Variants in EAF2 observed in about 807,000 individuals in gnomAD.
EAF2 encodes the protein ELL-associated factor 2.
A neutral mutation model predicts 29.4 loss-of-function variants in EAF2; 29 were observed. That is an observed-to-expected ratio of 0.99 (90% CI 0.73 to 1.35). EAF2 has a LOEUF of 1.35. Among genes scored for constraint, EAF2 ranks in the 40% most tolerant of loss-of-function variants. The probability of loss-of-function intolerance (pLI) is 0.00; values close to 1 mark genes in which losing one functional copy is unlikely to be tolerated. For missense variants in EAF2, 292 were observed against 312.0 expected, an observed-to-expected ratio of 0.94 and a Z score of 0.48; for synonymous variants, 103 against 102.5, an observed-to-expected ratio of 1.00 and a Z score of -0.03.
At chr3:121,879,514 G>A (rs1015674681) in intron 5 of EAF2, among the ~76,000 whole-genome samples, 15 of 151,938 alleles carry the variant, frequency 9.9e-5, no homozygotes, top group African/African-American at 3.6e-4. Flanking sequence ...TAGTTTCACA[G>A]TTTCAGGTCT....
chr3:121,839,225 C>T (rs1160598488), intron 1 of EAF2, among the ~76,000 whole-genome samples: 2 of 152,154 alleles, frequency 1.3e-5, no homozygotes, highest in African/African-American at 2.4e-5. Context: ...AGATTTTCAG[C>T]TTATCTTTAA....
At chr3:121,885,042 A>G (rs1446170884) in intron 5 of EAF2, among the ~76,000 whole-genome samples, 3 of 152,172 alleles carry the variant, frequency 2.0e-5, no homozygotes, top group Non-Finnish European at 4.4e-5. Flanking sequence ...TGCCAGTACC[A>G]TATATATTTG....
intron 1 of EAF2, chr3:121,836,556 G>T (rs1708291793): frequency 2.4e-6 from 2 of 841,300 alleles, no homozygotes; most frequent in Non-Finnish European, 2.9e-6. Context: ...CATCCAATTG[G>T]TAGAATAAAT....
intron 5 of EAF2, among the ~76,000 whole-genome samples, chr3:121,880,636 G>A (rs753332581): frequency 4.6e-5 from 7 of 152,014 alleles, no homozygotes; most frequent in Admixed American, 1.3e-4. Context: ...GGAGCTTTTA[G>A]GGTTTTCTCT....
At chr3:121,858,576 G>A (rs919900563) in intron 4 of EAF2, among the ~76,000 whole-genome samples, 10 of 148,548 alleles carry the variant, frequency 6.7e-5, no homozygotes, top group African/African-American at 2.0e-4. Context: ...TTAGCCCTTT[G>A]TAAAATGGGT....
intron 2 of EAF2, among the ~76,000 whole-genome samples, chr3:121,851,090 C>A (rs1269367946): frequency 6.6e-6 from 1 of 152,178 alleles, no homozygotes; most frequent in African/African-American, 2.4e-5. Context: ...ATTTTCTCTT[C>A]ATTCCCCTAT....
rs543103127 is a variant in EAF2, at chr3:121,851,920, G to T, written c.202-2767G>T. Among the ~76,000 whole-genome samples, 4 of 152,292 alleles carry T rather than the reference G, an allele frequency of 2.6e-5. No homozygotes were observed. The East Asian group carries it at 5.8e-4, about 22-fold the overall frequency. ...TACTTTAGTAGTTGCCTTTCTTGGG[G>T]TATTGAATAAGGAATGGACAGAAAC... On this transcript the variant is annotated intron_variant, in intron 2 of 5. Coordinates refer to ENST00000273668, the MANE Select transcript of EAF2 (RefSeq NM_018456.6).
Position 121,857,036 on chromosome 3 carries a change from T to G in EAF2, c.364T>G (p.Tyr122Asp). Residue 122 changes from tyrosine to aspartate, a missense_variant, in exon 4 of 6, where the codon TAT (tyrosine) becomes GAT (aspartate). Physicochemically the swap from Tyr to Asp is radical, Grantham distance 160 (BLOSUM62 -3). Transcript: ENST00000273668. ...AGTTGAAGGAAGCAGTAAAATTCAG[T>G]ATCGTAAAGAACAACAGCAACAACA... Reference protein sequence around the residue: ...TRVEGSSKIQYRKEQQQQQMW... With the variant: ...TRVEGSSKIQDRKEQQQQQMW... 1 of 1,613,372 alleles carries G rather than the reference T, an allele frequency of 6.2e-7. No homozygotes were observed. Among genetic ancestry groups the G allele is most frequent in the African/African-American group, 1.3e-5 (1 of 75,020 alleles).
At chr3:121,870,252 T>G (rs1708988872) in intron 4 of EAF2, among the ~76,000 whole-genome samples, 1 of 152,166 alleles carries the variant, frequency 6.6e-6, no homozygotes. Flanking sequence ...CCAATATCTC[T>G]GATGAACTTA....
intron 2 of EAF2, among the ~76,000 whole-genome samples, chr3:121,850,743 CT>C (rs1384025063): frequency 2.6e-5 from 4 of 152,186 alleles, no homozygotes; most frequent in African/African-American, 9.6e-5. Flanking sequence ...GTCACCCAGG[CT>C]GGAGTGCAGT....
chr3:121,876,674 C>T (rs1709102539), intron 5 of EAF2, among the ~76,000 whole-genome samples: 1 of 151,858 alleles, frequency 6.6e-6, no homozygotes, highest in South Asian at 2.1e-4. Context: ...CTGAATCTGA[C>T]TTTATTAGAT....
chr3:121,843,532 T>C (rs753717381), intron 1 of EAF2, among the ~76,000 whole-genome samples: 34 of 152,158 alleles, frequency 2.2e-4, no homozygotes, highest in Non-Finnish European at 2.4e-4. Flanking sequence ...CAAAGCTTAA[T>C]TTTTGTTCTC....
intron 4 of EAF2, among the ~76,000 whole-genome samples, chr3:121,858,384 CA>C (rs1401189074): frequency 6.6e-6 from 1 of 152,200 alleles, no homozygotes; most frequent in Non-Finnish European, 1.5e-5. Context: ...GATGGTATCT[CA>C]TTGTGGTTTT....
chr3:121,878,569 C>T (rs960729386), intron 5 of EAF2, among the ~76,000 whole-genome samples: 8 of 152,004 alleles, frequency 5.3e-5, no homozygotes, highest in African/African-American at 1.4e-4. Flanking sequence ...TTCACCTTTC[C>T]GAGCCTCTGG....
At position 121,869,975 on chromosome 3, in the gene EAF2, C is replaced by T. The variant is rs141649918; in HGVS notation, c.485-2562C>T. On this transcript the variant is annotated intron_variant, in intron 4 of 5. Transcript: ENST00000273668. ...GGACTAGTTCCTCAAAAGCTAAAAACTGCCAAAACTCAACTAAGGCGAAGT... is the reference window on the plus strand; with the variant it reads ...GGACTAGTTCCTCAAAAGCTAAAAATTGCCAAAACTCAACTAAGGCGAAGT... Among the ~76,000 whole-genome samples the T allele has an allele frequency of 8.7e-3, 1,329 of 152,262 alleles. 12 individuals are homozygous for T. The highest frequency in any genetic ancestry group is 0.015 in the Non-Finnish European group (996 of 68,028).
chr3:121,865,663 T>C (rs1259015957), intron 4 of EAF2, among the ~76,000 whole-genome samples: 1 of 150,728 alleles, frequency 6.6e-6, no homozygotes, highest in Admixed American at 6.6e-5. Context: ...CCCATCTCTA[T>C]AAAAAAAAAT....
chr3:121,857,178 C>A, intron 4 of EAF2, 22 bp downstream of exon 4: 5 of 1,593,598 alleles, frequency 3.1e-6, no homozygotes, highest in Non-Finnish European at 4.3e-6. Flanking sequence ...GTATATGTAA[C>A]ATCCCTTTAT....
chr3:121,877,205 ATGTGTGTG>A (rs938477789), intron 5 of EAF2, among the ~76,000 whole-genome samples: 1 of 151,674 alleles, frequency 6.6e-6, no homozygotes, highest in South Asian at 2.1e-4. Flanking sequence ...TTCACTATGT[ATGTGTGTG>A]TGTGCGTGTG....
At chr3:121,851,986 G>A (rs1411624440) in intron 2 of EAF2, among the ~76,000 whole-genome samples, 1 of 152,128 alleles carries the variant, frequency 6.6e-6, no homozygotes. Context: ...TTTAATGAGG[G>A]AGAAAGTTTA....
Sources: allele counts gnomAD v4.1 joint callset (sites outside exome capture counted in the v4.1 genomes callset), GRCh38; gene constraint gnomAD v4.1.1; transcripts MANE v1.5; gene names NCBI Gene and HGNC (gene_info 2026-07-23, HGNC 2026-07-21).